Variants in COL8A1 observed in about 807,000 individuals in gnomAD.
The protein encoded by COL8A1 is collagen alpha-1(VIII) chain.
A neutral mutation model predicts 42.7 loss-of-function variants in COL8A1; 21 were observed. The observed-to-expected ratio is 0.49, with a 90% CI of 0.35 to 0.71. The LOEUF (loss-of-function observed/expected upper bound fraction) is 0.71. Among genes scored for constraint, COL8A1 ranks in the 30% least tolerant of loss-of-function variants. COL8A1 has a pLI of 0.01. For synonymous variants in COL8A1, 367 were observed against 369.1 expected (o/e 0.99, Z 0.06); for missense variants, 788 against 962.4 (o/e 0.82, Z 2.40).
At chr3:99,754,998 A>T (rs1576464228) in intron 2 of COL8A1, among the ~76,000 whole-genome samples, 1 of 152,330 alleles carries the variant, frequency 6.6e-6, no homozygotes, top group East Asian at 1.9e-4. Context: ...AAAATACAGT[A>T]GGGTAAACTA....
intron 2 of COL8A1, among the ~76,000 whole-genome samples, chr3:99,783,187 T>C (rs1941827220): frequency 6.6e-6 from 1 of 152,182 alleles, no homozygotes; most frequent in Non-Finnish European, 1.5e-5. Context: ...TACTAGGGAA[T>C]GTTGTAAAAT....
At chr3:99,644,740 G>T (rs1482540132) in intron 1 of COL8A1, among the ~76,000 whole-genome samples, 16 of 152,144 alleles carry the variant, frequency 1.1e-4, no homozygotes, top group Admixed American at 6.5e-4. Flanking sequence ...TTAGGCATTG[G>T]ATCATTTGAT....
chr3:99,749,577 T>C (rs2107411400), intron 2 of COL8A1, among the ~76,000 whole-genome samples: 1 of 152,302 alleles, frequency 6.6e-6, no homozygotes, highest in Middle Eastern at 3.4e-3. Context: ...TGCATACTTA[T>C]GACTAAATAG....
intron 1 of COL8A1, among the ~76,000 whole-genome samples, chr3:99,730,618 A>G (rs905936555): frequency 2.6e-5 from 4 of 152,130 alleles, no homozygotes; most frequent in Non-Finnish European, 5.9e-5. Context: ...CAACACTTTC[A>G]GTGTGAAAGG....
intron 1 of COL8A1, among the ~76,000 whole-genome samples, chr3:99,687,082 G>T (rs1431195765): frequency 6.6e-6 from 1 of 151,884 alleles, no homozygotes; most frequent in Non-Finnish European, 1.5e-5. Context: ...GCACTCAAGC[G>T]ATCCTCCTGC....
intron 1 of COL8A1, among the ~76,000 whole-genome samples, chr3:99,738,967 G>T (rs1387538257): frequency 1.3e-5 from 2 of 152,138 alleles, no homozygotes; most frequent in Admixed American, 6.6e-5. Flanking sequence ...GCAGTATTTG[G>T]GTGGGAGTGA....
intron 1 of COL8A1, among the ~76,000 whole-genome samples, chr3:99,709,343 T>A (rs1041177479): frequency 4.6e-5 from 7 of 152,098 alleles, no homozygotes; most frequent in Admixed American, 4.6e-4. Context: ...AGTCTCACAC[T>A]CCACCCTTCC....
At chr3:99,695,357 A>G (rs1939337142) in intron 1 of COL8A1, among the ~76,000 whole-genome samples, 1 of 152,214 alleles carries the variant, frequency 6.6e-6, no homozygotes, top group Non-Finnish European at 1.5e-5. Flanking sequence ...TTTAAAAGCC[A>G]TTTTTGGTAA....
intron 2 of COL8A1, among the ~76,000 whole-genome samples, chr3:99,787,341 G>T (rs1037064996): frequency 6.6e-6 from 1 of 152,294 alleles, no homozygotes; most frequent in South Asian, 2.1e-4. Context: ...CTTGACACAT[G>T]AATGAATGAC....
At chr3:99,669,224 C>T (rs1459881078) in intron 1 of COL8A1, among the ~76,000 whole-genome samples, 1 of 149,782 alleles carries the variant, frequency 6.7e-6, no homozygotes, top group East Asian at 1.9e-4. Flanking sequence ...ATTTATCTGC[C>T]ACATAAATTT....
At chr3:99,762,395 C>T (rs1031453888) in intron 2 of COL8A1, among the ~76,000 whole-genome samples, 1 of 152,168 alleles carries the variant, frequency 6.6e-6, no homozygotes, top group East Asian at 1.9e-4. Flanking sequence ...AGTTAACAAA[C>T]TGCTAAAAAA....
Position 99,645,861 on chromosome 3 carries a change from T to C in COL8A1, c.-129+7197T>C, listed in dbSNP as rs1465316994. Among the ~76,000 whole-genome samples, 74 of 152,072 alleles carry C rather than the reference T, an allele frequency of 4.9e-4. 1 individual carries two copies. The highest frequency in any genetic ancestry group is 4.8e-3 in the Admixed American group (73 of 15,282). ...AAGGCTACCACCAGCCAAGACTGAA[T>C]CTAAATGCTCAATTCAGTAATAAAC... On this transcript the variant is annotated intron_variant, in intron 1 of 3. Coordinates refer to ENST00000652472, the MANE Select transcript of COL8A1 (RefSeq NM_020351.4).
At chr3:99,792,334 G>A (rs900520490) in intron 3 of COL8A1, among the ~76,000 whole-genome samples, 4 of 152,008 alleles carry the variant, frequency 2.6e-5, no homozygotes, top group African/African-American at 9.7e-5. Context: ...TTTATTCTCT[G>A]ACAGTAGCTC....
chr3:99,640,230 T>C (rs1009573604), intron 1 of COL8A1, among the ~76,000 whole-genome samples: 1 of 152,226 alleles, frequency 6.6e-6, no homozygotes, highest in African/African-American at 2.4e-5. Context: ...GCCAAGATAG[T>C]ATGTGACCTG....
chr3:99,773,837 A>ATATATATATATATATATATTTT (rs1200212756), intron 2 of COL8A1, among the ~76,000 whole-genome samples: 1 of 45,400 alleles, frequency 2.2e-5, no homozygotes, highest in Non-Finnish European at 3.6e-5. Flanking sequence ...ATATATATAT[A>ATATATATATATATATATATTTT]TTTTTTTTTT....
intron 3 of COL8A1, 121 bp downstream of exon 3, chr3:99,791,131 A>T (rs1401960457): frequency 1.6e-5 from 14 of 855,978 alleles, no homozygotes; most frequent in African/African-American, 1.5e-4. Flanking sequence ...TGGCATTTTT[A>T]AAATGCCTAC....
At chr3:99,761,684 G>C (rs1941366908) in intron 2 of COL8A1, among the ~76,000 whole-genome samples, 1 of 152,014 alleles carries the variant, frequency 6.6e-6, no homozygotes, top group Non-Finnish European at 1.5e-5. Context: ...GGACAAAAAT[G>C]GAGTCCTTCC....
intron 1 of COL8A1, among the ~76,000 whole-genome samples, chr3:99,657,251 T>A (rs371147883): frequency 1.3e-5 from 2 of 152,232 alleles, no homozygotes; most frequent in African/African-American, 4.8e-5. Flanking sequence ...GCTTTTGTTT[T>A]CTTAGACGTT....
intron 1 of COL8A1, among the ~76,000 whole-genome samples, chr3:99,695,144 TA>T (rs1411289053): frequency 6.6e-6 from 1 of 152,148 alleles, no homozygotes; most frequent in Non-Finnish European, 1.5e-5. Flanking sequence ...ATTTAAAAAG[TA>T]AAATGAAACA....
Sources: allele counts gnomAD v4.1 joint callset (sites outside exome capture counted in the v4.1 genomes callset), GRCh38; gene constraint gnomAD v4.1.1; transcripts MANE v1.5; gene names NCBI Gene and HGNC (gene_info 2026-07-23, HGNC 2026-07-21).